Variants in CMSS1 observed in about 807,000 individuals in gnomAD.
CMSS1 encodes the protein cms1 ribosomal small subunit homolog, also known as protein CMSS1.
In CMSS1, 33 loss-of-function variants were observed where a neutral mutation model predicts 43.5. The observed-to-expected ratio is 0.76, with a 90% confidence interval of 0.57 to 1.01. CMSS1 has a LOEUF of 1.01. Among genes scored for constraint, CMSS1 ranks in the 50% least tolerant of loss-of-function variants. CMSS1 has a pLI of 0.00. For missense variants in CMSS1, 313 were observed against 326.4 expected (o/e 0.96, Z 0.32); for synonymous variants, 115 against 117.2 (o/e 0.98, Z 0.12).
chr3:99,855,519 T>C (rs1164409746), intron 1 of CMSS1, among the ~76,000 whole-genome samples: 2 of 152,196 alleles, frequency 1.3e-5, no homozygotes, highest in Non-Finnish European at 2.9e-5. Flanking sequence ...TTTATAGCTG[T>C]GAAAATTGAG....
At chr3:99,851,659 A>G (rs1316706730) in intron 1 of CMSS1, among the ~76,000 whole-genome samples, 1 of 152,198 alleles carries the variant, frequency 6.6e-6, no homozygotes, top group African/African-American at 2.4e-5. Flanking sequence ...ATATTTATCA[A>G]ATGGCTTGCT....
intron 1 of CMSS1, among the ~76,000 whole-genome samples, chr3:99,882,811 A>G (rs1051818359): frequency 1.3e-5 from 2 of 152,252 alleles, no homozygotes; most frequent in Admixed American, 6.5e-5. Context: ...TGGAACATTA[A>G]TGAGCTAGTT....
At chr3:99,939,793 T>C (rs960594721) in intron 1 of CMSS1, among the ~76,000 whole-genome samples, 20 of 152,226 alleles carry the variant, frequency 1.3e-4, no homozygotes, top group African/African-American at 4.8e-4. Flanking sequence ...TTTCCCCAGT[T>C]TGCAGATTCC....
In CMSS1 at chr3:100,132,144, G is replaced by A. The variant is rs1025235957; in HGVS notation, c.65-14829G>A. Among the ~76,000 whole-genome samples the A allele has an allele frequency of 5.9e-5, 9 of 152,304 alleles. No homozygotes were observed. In the East Asian group the frequency reaches 1.2e-3, roughly 20 times the overall value. On this transcript the variant is annotated intron_variant, in intron 1 of 9. Transcript: ENST00000421999. ...ATCTTGGCTGGGTATGGTGACTCACGCCTGTAATCGCAGTGCTTTGGGAGG... is the reference window on the plus strand; with the variant it reads ...ATCTTGGCTGGGTATGGTGACTCACACCTGTAATCGCAGTGCTTTGGGAGG...
chr3:100,138,545 T>C (rs2066774763), intron 1 of CMSS1, among the ~76,000 whole-genome samples: 1 of 152,134 alleles, frequency 6.6e-6, no homozygotes, highest in Non-Finnish European at 1.5e-5. Context: ...AACAGACCCT[T>C]CTCAAAAGAA....
At chr3:99,873,700 A>G (rs1417353232) in intron 1 of CMSS1, among the ~76,000 whole-genome samples, 2 of 152,180 alleles carry the variant, frequency 1.3e-5, no homozygotes, top group Non-Finnish European at 2.9e-5. Flanking sequence ...GAACCCTTAA[A>G]CAAAATTTAC....
intron 1 of CMSS1, among the ~76,000 whole-genome samples, chr3:100,133,223 A>C (rs573168923): frequency 1.3e-4 from 20 of 152,344 alleles, no homozygotes; most frequent in Admixed American, 9.8e-4. Context: ...ATGGTTTACT[A>C]TAAAGCCACT....
chr3:99,906,885 A>G (rs1706635095), intron 1 of CMSS1, among the ~76,000 whole-genome samples: 1 of 152,224 alleles, frequency 6.6e-6, no homozygotes, highest in Non-Finnish European at 1.5e-5. Flanking sequence ...ACCATGCCCT[A>G]TAACAGAGAT....
At chr3:100,086,045 C>A (rs190674094) in intron 1 of CMSS1, among the ~76,000 whole-genome samples, 1 of 152,272 alleles carries the variant, frequency 6.6e-6, no homozygotes, top group East Asian at 1.9e-4. Context: ...AAATATGATT[C>A]GTGTTAGAGA....
In CMSS1 at chr3:99,983,440, ATGTATG is replaced by A. The variant is rs1559713535; in HGVS notation, c.65-163531_65-163526del. 6.4e-3 allele frequency among the ~76,000 whole-genome samples: 241 copies of A among 37,868 alleles called. 4 individuals carry two copies. The highest frequency in any genetic ancestry group is 0.02 in the African/African-American group (215 of 10,646). The allele number at this position is 37,868 out of a possible 152,430, so 24.8% of individuals were successfully genotyped here. On this transcript the variant is annotated intron_variant, in intron 1 of 9. Coordinates refer to ENST00000421999, the MANE Select transcript of CMSS1 (RefSeq NM_032359.4). ...TATATGTATGTATGTATGTATATAT[ATGTATG>A]TATATATATATATGTGTGTATATAT... is the stretch of plus-strand genomic sequence containing the variant.
At chr3:100,014,488 A>G (rs1247915774) in intron 1 of CMSS1, among the ~76,000 whole-genome samples, 1 of 152,102 alleles carries the variant, frequency 6.6e-6, no homozygotes, top group Non-Finnish European at 1.5e-5. Flanking sequence ...CTTTCTCCAC[A>G]TCCTCACCAA....
chr3:100,065,111 G>A (rs1576010952), intron 1 of CMSS1, among the ~76,000 whole-genome samples: 1 of 152,088 alleles, frequency 6.6e-6, no homozygotes, highest in Non-Finnish European at 1.5e-5. Context: ...AGACAGTATG[G>A]AATGTATATA....
In CMSS1 at chr3:99,850,018, A is replaced by C. The variant is rs780992749; in HGVS notation, c.64+31975A>C. 1.9e-6 allele frequency: 3 copies of C among 1,607,394 alleles called. No homozygotes were observed. In the South Asian group the frequency reaches 3.4e-5, roughly 18 times the overall value. On this transcript the variant is annotated intron_variant, in intron 1 of 9. Transcript: ENST00000421999. ...GGTTACGCTGTACATCTTTTCTTCT[A>C]CATCGGTTTTGGACTTGAGCGCCCT...
At position 99,910,487 on chromosome 3, in the gene CMSS1, T is replaced by G; in HGVS notation, c.64+92444T>G. Among the ~76,000 whole-genome samples the G allele has an allele frequency of 1.5e-5, 2 of 136,688 alleles. 1 individual carries two copies. Among genetic ancestry groups the G allele is most frequent in the Non-Finnish European group, 3.3e-5 (2 of 59,766 alleles). 89.7% of individuals were successfully genotyped at this position (136,688 alleles called of 152,430 possible). A position where few individuals can be genotyped will look rare whatever the true frequency, so the allele number is the denominator to read the frequency against. ...AGAGCTTTTAAAGTAAACAAACACATGTCTTCACAGTTGTTAGGTGCTAGG... is the reference window on the plus strand; with the variant it reads ...AGAGCTTTTAAAGTAAACAAACACAGGTCTTCACAGTTGTTAGGTGCTAGG... On this transcript the variant is annotated intron_variant, in intron 1 of 9. Coordinates refer to ENST00000421999, the MANE Select transcript of CMSS1 (RefSeq NM_032359.4).
intron 1 of CMSS1, among the ~76,000 whole-genome samples, chr3:100,066,766 C>T (rs866692507): frequency 1.1e-5 from 1 of 94,522 alleles, no homozygotes; most frequent in African/African-American, 3.4e-5. Flanking sequence ...CTCCTGACCT[C>T]GTGATCCGCC....
chr3:100,072,332 A>G (rs967505719), intron 1 of CMSS1, among the ~76,000 whole-genome samples: 2 of 152,196 alleles, frequency 1.3e-5, no homozygotes, highest in Admixed American at 1.3e-4. Context: ...CATTCTGTGC[A>G]TTTCCAAATC....
At chr3:99,918,197 C>T (rs931010729) in intron 1 of CMSS1, among the ~76,000 whole-genome samples, 1 of 151,988 alleles carries the variant, frequency 6.6e-6, no homozygotes, top group Non-Finnish European at 1.5e-5. Flanking sequence ...AGGCTGGTCT[C>T]GAACCCTTGA....
intron 1 of CMSS1, among the ~76,000 whole-genome samples, chr3:99,875,577 C>T (rs888046137): frequency 2.6e-5 from 4 of 152,238 alleles, no homozygotes; most frequent in East Asian, 1.9e-4. Context: ...AAGTTAGATT[C>T]GTCTTAATTC....
intron 1 of CMSS1, among the ~76,000 whole-genome samples, chr3:100,082,771 A>G (rs535801562): frequency 1.6e-4 from 24 of 152,320 alleles, no homozygotes; most frequent in African/African-American, 5.5e-4. Flanking sequence ...TGTGAGGTCC[A>G]TACATGTCAC....
Sources: gnomAD v4.1 joint callset for allele counts (sites outside exome capture counted in the v4.1 genomes callset) on GRCh38, gnomAD v4.1.1 for gene constraint, MANE v1.5 for transcripts, NCBI Gene and HGNC (gene_info 2026-07-23, HGNC 2026-07-21) for gene names.